The following ST6GALNAC2 variants were observed in gnomAD, a reference collection of about 807,000 sequenced individuals.
The protein encoded by ST6GALNAC2 is alpha-N-acetylgalactosaminide alpha-2,6-sialyltransferase 2.
Under a neutral mutation model 38.7 loss-of-function variants are expected in ST6GALNAC2, and 42 were observed. The ratio of observed to expected loss-of-function variants is 1.09; its 90% CI spans 0.85 to 1.40. The LOEUF (loss-of-function observed/expected upper bound fraction) is 1.40. ST6GALNAC2 is among the 40% of genes most tolerant of loss of function. The pLI, the probability that ST6GALNAC2 is intolerant of heterozygous loss-of-function variation, is 0.00. For missense variants in ST6GALNAC2, 506 were observed against 481.7 expected (o/e 1.05, Z -0.47); for synonymous variants, 233 against 209.0 (o/e 1.11, Z -0.99).
chr17:76,570,398 G>C, intron 6 of ST6GALNAC2, 167 bp downstream of exon 6: 1 of 599,562 alleles, frequency 1.7e-6, no homozygotes, highest in South Asian at 2.0e-5. Flanking sequence ...GAATTTCCCA[G>C]TGCTGTTATG....
chr17:76,577,957 G>C (rs1362970459), intron 2 of ST6GALNAC2, among the ~76,000 whole-genome samples: 1 of 152,138 alleles, frequency 6.6e-6, no homozygotes, highest in African/African-American at 2.4e-5. Context: ...CTAAGCTCTA[G>C]CATGCAGTGA....
chr17:76,570,770 G>T, intron 5 of ST6GALNAC2, 102 bp from the exon 6 acceptor site: 1 of 858,412 alleles, frequency 1.2e-6, no homozygotes, highest in Non-Finnish European at 1.9e-6. Flanking sequence ...GCCGACTGGA[G>T]AATTTCCCTT....
At chr17:76,568,467 C>T (rs1261915109) in intron 7 of ST6GALNAC2, 8 of 571,010 alleles carry the variant, frequency 1.4e-5, no homozygotes, top group Non-Finnish European at 2.5e-5. Context: ...TTTGTATAAA[C>T]CTCCTTGAGT....
intron 8 of ST6GALNAC2, among the ~76,000 whole-genome samples, chr17:76,566,517 ACT>A (rs547156891): frequency 8.6e-5 from 13 of 151,692 alleles, no homozygotes; most frequent in Non-Finnish European, 1.8e-4. Context: ...GCCCATTACT[ACT>A]CTCTCCATCC....
rs1047770128 is a variant in ST6GALNAC2, at chr17:76,575,311, AGGGAGT to A, written c.187-778_187-773del. 1.1e-3 allele frequency among the ~76,000 whole-genome samples: 164 copies of A among 152,192 alleles called. 1 individual carries two copies. Among genetic ancestry groups the A allele is most frequent in the African/African-American group, 3.8e-3 (159 of 41,472 alleles). On this transcript the variant is annotated intron_variant, in intron 2 of 8. Transcript: ENST00000225276. ...AGTCTTTCTTTCCAGTGGTGCCTTTAGGGAGTGGAAGTGTCCCCCCAAAATTCATTA... is the reference window on the plus strand; with the variant it reads ...AGTCTTTCTTTCCAGTGGTGCCTTTAGGAAGTGTCCCCCCAAAATTCATTA...
chr17:76,578,839 G>T (rs765886084), intron 1 of ST6GALNAC2, 23 bp from the exon 2 acceptor site: 1 of 1,609,836 alleles, frequency 6.2e-7, no homozygotes, highest in East Asian at 2.2e-5. Context: ...GCAGAAAAAA[G>T]CAGGGGTCAG....
intron 7 of ST6GALNAC2, chr17:76,568,325 G>A: frequency 4.1e-6 from 1 of 245,066 alleles, no homozygotes; most frequent in South Asian, 6.1e-5. Context: ...GAGGGAAGGG[G>A]GTTGAGGCTG....
chr17:76,575,953 T>G (rs2143307182), intron 2 of ST6GALNAC2, among the ~76,000 whole-genome samples: 1 of 152,354 alleles, frequency 6.6e-6, no homozygotes, highest in African/African-American at 2.4e-5. Flanking sequence ...GCAATCATGA[T>G]CATGGGGTAG....
At chr17:76,579,280 T>A (rs2075450643) in intron 1 of ST6GALNAC2, among the ~76,000 whole-genome samples, 1 of 152,250 alleles carries the variant, frequency 6.6e-6, no homozygotes, top group Admixed American at 6.5e-5. Context: ...CACTTTCTTA[T>A]GTTTTGCCTC....
At chr17:76,568,970 C>T (rs561636797) in intron 6 of ST6GALNAC2, 174 bp from the exon 7 acceptor site, 147 of 608,290 alleles carry the variant, frequency 2.4e-4, no homozygotes, top group African/African-American at 2.1e-3. Flanking sequence ...ACGTTGGGGA[C>T]CACGTGCGGC....
chr17:76,574,687 C>CT, intron 2 of ST6GALNAC2, 148 bp from the exon 3 acceptor site: 1 of 650,270 alleles, frequency 1.5e-6, no homozygotes, highest in Admixed American at 3.3e-5. Flanking sequence ...TTTTTTTTTT[C>CT]TTTTTTTGAG....
chr17:76,574,352 G>C lies in ST6GALNAC2; in HGVS notation c.361+13C>G. ...AGGCAGAAGGCAGGTGAGAGACAGC[G>C]GGCGCGGGTTACCTTGGTGAGAGAG... On this transcript the variant is annotated intron_variant, in intron 3 of 8. Coordinates refer to ENST00000225276, the MANE Select transcript of ST6GALNAC2 (RefSeq NM_006456.3). 6.3e-7 allele frequency: 1 copy of C among 1,577,370 alleles called. No individual in the cohort carries two copies. The highest frequency in any genetic ancestry group is 8.7e-7 in the Non-Finnish European group (1 of 1,155,436).
Position 76,573,798 on chromosome 17 carries a change from C to T in ST6GALNAC2, c.362-435G>A, listed in dbSNP as rs1055187557. On this transcript the variant is annotated intron_variant, in intron 3 of 8. Transcript: ENST00000225276. The surrounding 1 kb of genome is among the most constrained non-coding windows in gnomAD (Gnocchi z 5.1). Reference sequence around the variant, plus strand: ...CAAAAATTAGCCAGGCGTGGTGGTGCGTGCCTAATCCCAGCTACTTGGGAG... The same window carrying T: ...CAAAAATTAGCCAGGCGTGGTGGTGTGTGCCTAATCCCAGCTACTTGGGAG... Among the ~76,000 whole-genome samples the T allele has an allele frequency of 1.3e-5, 2 of 152,044 alleles. No homozygotes were observed. The highest frequency in any genetic ancestry group is 1.3e-4 in the Admixed American group (2 of 15,256).
Position 76,568,842 on chromosome 17 carries a change from T to C in ST6GALNAC2, c.774-46A>G, listed in dbSNP as rs956374895. On this transcript the variant is annotated intron_variant, in intron 6 of 8. Transcript: ENST00000225276. ...GGACAGAGCGCCCAGAGCCGTCGTA[T>C]TGCAAGGGGGAGATGGAGGGGAGGG... 5 of 1,596,250 alleles carry C rather than the reference T, an allele frequency of 3.1e-6. No individual in the cohort carries two copies. In the African/African-American group the frequency reaches 6.8e-5, roughly 22 times the overall value.
intron 1 of ST6GALNAC2, among the ~76,000 whole-genome samples, chr17:76,583,092 G>A (rs961312506): frequency 6.6e-6 from 1 of 151,970 alleles, no homozygotes; most frequent in Non-Finnish European, 1.5e-5. Flanking sequence ...TGTATTACTC[G>A]GGGCTGGGCG....
chr17:76,573,725 C>T lies in ST6GALNAC2; in HGVS notation c.362-362G>A, dbSNP rs975998984. 7.9e-5 allele frequency among the ~76,000 whole-genome samples: 12 copies of T among 152,068 alleles called. No homozygotes were observed. The highest frequency in any genetic ancestry group is 1.7e-4 in the African/African-American group (7 of 41,388). Reference sequence around the variant, plus strand: ...GGTGAATCACTTGAGGCCAGGAGTTCGAGACCAGCCTGGGCAACATGGTGA... The same window carrying T: ...GGTGAATCACTTGAGGCCAGGAGTTTGAGACCAGCCTGGGCAACATGGTGA... On this transcript the variant is annotated intron_variant, in intron 3 of 8. Transcript: ENST00000225276. The surrounding 1 kb of genome is among the most constrained non-coding windows in gnomAD (Gnocchi z 5.1).
At chr17:76,583,815 T>TC (rs1412645219) in intron 1 of ST6GALNAC2, among the ~76,000 whole-genome samples, 1 of 149,584 alleles carries the variant, frequency 6.7e-6, no homozygotes, top group Non-Finnish European at 1.5e-5. Flanking sequence ...GATATTTCTT[T>TC]TTTTTTTTTT....
intron 1 of ST6GALNAC2, 57 bp from the exon 2 acceptor site, chr17:76,578,873 G>A: frequency 6.5e-7 from 1 of 1,532,832 alleles, no homozygotes; most frequent in Non-Finnish European, 8.9e-7. Context: ...CCCCTTGGAA[G>A]CTTTTGGACT....
intron 6 of ST6GALNAC2, chr17:76,569,042 G>A (rs2075320985): frequency 7.1e-6 from 1 of 141,446 alleles, no homozygotes; most frequent in Non-Finnish European, 1.4e-5. Context: ...GGCATGAACA[G>A]ACCGGGGGGA....
Sources: gnomAD v4.1 joint callset for allele counts (sites outside exome capture counted in the v4.1 genomes callset) on GRCh38, gnomAD v4.1.1 for gene constraint, Gnocchi (gnomAD v3.1) non-coding constraint, MANE v1.5 for transcripts, NCBI Gene and HGNC (gene_info 2026-07-23, HGNC 2026-07-21) for gene names.